Variants in SLC45A4 observed in about 807,000 individuals in gnomAD.
SLC45A4 encodes polyamine-transporter SLC45A4.
SLC45A4 carries 32 observed loss-of-function variants against 63.7 expected under a neutral mutation model. The observed-to-expected ratio is 0.50, with a 90% CI of 0.38 to 0.67. The LOEUF is 0.67. SLC45A4 is among the 30% of genes least tolerant of loss of function. SLC45A4 has a pLI of 0.00. For missense variants in SLC45A4, 1,027 were observed against 1,157.7 expected (o/e 0.89, Z 1.64); for synonymous variants, 535 against 510.0 (o/e 1.05, Z -0.66).
At chr8:141,289,574 C>T (rs937012432) in intron 1 of SLC45A4, among the ~76,000 whole-genome samples, 6 of 152,034 alleles carry the variant, frequency 3.9e-5, no homozygotes, top group East Asian at 3.9e-4. Flanking sequence ...TTTCCTTGGG[C>T]GGAGAAGAGC....
intron 2 of SLC45A4, among the ~76,000 whole-genome samples, chr8:141,252,005 C>T (rs1311115903): frequency 3.5e-5 from 5 of 144,464 alleles, no homozygotes; most frequent in African/African-American, 5.1e-5. Flanking sequence ...GCTGAGTGAG[C>T]GCTCACGGAA....
intron 1 of SLC45A4, among the ~76,000 whole-genome samples, chr8:141,293,317 G>C (rs1830425784): frequency 6.6e-6 from 1 of 152,070 alleles, no homozygotes; most frequent in South Asian, 2.1e-4. Flanking sequence ...AGCCAGGAGT[G>C]GTGGCAGGTG....
chr8:141,271,215 G>A (rs765975260), intron 1 of SLC45A4, among the ~76,000 whole-genome samples: 4 of 152,232 alleles, frequency 2.6e-5, no homozygotes, highest in African/African-American at 7.2e-5. Context: ...ACTTCCTGGA[G>A]AAGATGACCT....
At chr8:141,238,223 G>A (rs768882739) in intron 2 of SLC45A4, among the ~76,000 whole-genome samples, 24 of 152,186 alleles carry the variant, frequency 1.6e-4, no homozygotes, top group Non-Finnish European at 2.4e-4. Flanking sequence ...CTGGACCTGC[G>A]TCACCATCAA....
intron 1 of SLC45A4, among the ~76,000 whole-genome samples, chr8:141,299,262 T>C (rs920454055): frequency 3.3e-5 from 5 of 152,208 alleles, no homozygotes; most frequent in African/African-American, 9.7e-5. Context: ...GACGCCAGGC[T>C]TCATGATGTT....
At chr8:141,294,251 C>A (rs944978024) in intron 1 of SLC45A4, among the ~76,000 whole-genome samples, 1 of 152,232 alleles carries the variant, frequency 6.6e-6, no homozygotes, top group African/African-American at 2.4e-5. Flanking sequence ...AGAAAACCCA[C>A]AGCGACTGGT....
chr8:141,243,502 G>A (rs187285388), intron 2 of SLC45A4, among the ~76,000 whole-genome samples: 56 of 152,198 alleles, frequency 3.7e-4, no homozygotes, highest in African/African-American at 1.3e-3. Flanking sequence ...AATACAGGCC[G>A]GGTGCAGTGG....
chr8:141,237,395 C>T (rs1827684455), intron 2 of SLC45A4, among the ~76,000 whole-genome samples: 1 of 152,138 alleles, frequency 6.6e-6, no homozygotes, highest in South Asian at 2.1e-4. Flanking sequence ...CAGATTGTGC[C>T]CAGGGCCACC....
At chr8:141,238,060 C>T (rs1827718064) in intron 2 of SLC45A4, among the ~76,000 whole-genome samples, 1 of 152,230 alleles carries the variant, frequency 6.6e-6, no homozygotes, top group African/African-American at 2.4e-5. Flanking sequence ...GCTGTCCAGC[C>T]CACATACGTG....
chr8:141,299,545 C>T (rs1332503011), intron 1 of SLC45A4, among the ~76,000 whole-genome samples: 2 of 152,206 alleles, frequency 1.3e-5, no homozygotes, highest in African/African-American at 4.8e-5. Context: ...CGGCCGTGGC[C>T]GCAGCCCCGG....
At chr8:141,259,041 G>A (rs918031241) in intron 1 of SLC45A4, among the ~76,000 whole-genome samples, 1 of 152,174 alleles carries the variant, frequency 6.6e-6, no homozygotes, top group Non-Finnish European at 1.5e-5. Flanking sequence ...TGGTGCAGGA[G>A]CGCTCCCTTG....
chr8:141,286,064 T>C (rs763403156), intron 1 of SLC45A4, among the ~76,000 whole-genome samples: 2 of 152,110 alleles, frequency 1.3e-5, no homozygotes, highest in Non-Finnish European at 2.9e-5. Context: ...GGCAGTTGCA[T>C]TGCAGGGACC....
In SLC45A4 at chr8:141,218,877, C is replaced by T. The variant is rs1020706609; in HGVS notation, c.763G>A (p.Glu255Lys). The change falls in exon 5 of 9, where the codon GAG (glutamate) becomes AAG (lysine). Residue 255 changes from glutamate to lysine, a missense_variant. Transcript: ENST00000517878. ...TCCTGCTGCGGGCTGTACTGCTCCT[C>T]GTCGATGCTGAACAGGTGCAGGGCC... The part of the protein sequence containing the change: ...SVALHLFSID[E>K]EQYSPQQERS... The T allele has an allele frequency of 3.7e-6, 6 of 1,613,498 alleles. No homozygotes were observed. The highest frequency in any genetic ancestry group is 1.3e-5 in the African/African-American group (1 of 74,942).
At chr8:141,258,896 A>ATTTT (rs1479911913) in intron 1 of SLC45A4, among the ~76,000 whole-genome samples, 11 of 150,586 alleles carry the variant, frequency 7.3e-5, no homozygotes, top group African/African-American at 2.5e-4. Flanking sequence ...TTTTTTTTAA[A>ATTTT]AAAAAAAAAA....
In SLC45A4 at chr8:141,219,017, G is replaced by C. The variant is rs1436870353; in HGVS notation, c.623C>G (p.Ala208Gly). Residue 208 changes from alanine (A) to glycine (G), a missense_variant, in exon 5 of 9, where the codon GCC becomes GGC. Physicochemically the swap from Ala to Gly is moderately conservative, Grantham distance 60 (BLOSUM62 0). Coordinates refer to ENST00000517878, the MANE Select transcript of SLC45A4 (RefSeq NM_001286646.2). ...CAGCCCACCCAGCACGTAGCCGATG[G>C]CTCCGCCGAGGCCTGCGTGGGAGGA... ...IHAFSAGLGG[A>G]IGYVLGGLDW... 6.2e-7 allele frequency: 1 copy of C among 1,610,858 alleles called. No homozygotes were observed. The highest frequency in any genetic ancestry group is 8.5e-7 in the Non-Finnish European group (1 of 1,178,242).
chr8:141,219,601 C>T, intron 4 of SLC45A4, 49 bp downstream of exon 4: 1 of 1,558,702 alleles, frequency 6.4e-7, no homozygotes, highest in South Asian at 1.2e-5. Flanking sequence ...CCACACCAGG[C>T]CCGGGCACGT....
At chr8:141,307,089 T>C (rs1830919407) in intron 1 of SLC45A4, among the ~76,000 whole-genome samples, 1 of 152,148 alleles carries the variant, frequency 6.6e-6, no homozygotes, top group African/African-American at 2.4e-5. Context: ...CAAGCGGCCC[T>C]TCCCAGCCCT....
rs1456094972 is a variant in SLC45A4 at position 141,208,583 on chromosome 8, A to G, written c.*2989T>C. On this transcript the variant is annotated 3_prime_UTR_variant, in exon 9 of 9. Coordinates refer to ENST00000517878, the MANE Select transcript of SLC45A4 (RefSeq NM_001286646.2). ...AGGCTTTCAAGGGCAGGTGTCCAAG[A>G]GGCAGCACACAGCACTGACGTGTTC... 6.6e-6 allele frequency: 1 copy of G among 152,484 alleles called. No homozygotes were observed. Among genetic ancestry groups the G allele is most frequent in the African/African-American group, 2.4e-5 (1 of 41,452 alleles). 9.4% of individuals were successfully genotyped at this position (152,484 alleles called of 1,614,324 possible).
intron 1 of SLC45A4, among the ~76,000 whole-genome samples, chr8:141,299,635 C>T (rs890075871): frequency 3.9e-5 from 6 of 152,174 alleles, no homozygotes; most frequent in Non-Finnish European, 7.3e-5. Context: ...CTTTTAATGC[C>T]GTTTTACGTA....
Sources: allele counts gnomAD v4.1 joint callset (sites outside exome capture counted in the v4.1 genomes callset), GRCh38; gene constraint gnomAD v4.1.1; transcripts MANE v1.5; gene names NCBI Gene and HGNC (gene_info 2026-07-23, HGNC 2026-07-21).